The following RBFOX1 variants were observed in gnomAD, a reference collection of about 807,000 sequenced individuals.
RBFOX1 encodes RNA binding protein fox-1 homolog 1.
Under a neutral mutation model 57.7 loss-of-function variants are expected in RBFOX1, and 8 were observed. That is an observed-to-expected ratio of 0.14 (90% CI 0.08 to 0.25). RBFOX1 has a LOEUF of 0.25. RBFOX1 is among the 10% of genes least tolerant of loss of function. The probability of loss-of-function intolerance (pLI) is 1.00; values close to 1 mark genes in which losing one functional copy is unlikely to be tolerated. For synonymous variants in RBFOX1, 326 were observed against 222.4 expected (o/e 1.47, Z -4.15); for missense variants, 611 against 548.5 (o/e 1.11, Z -1.14).
intron 4 of RBFOX1, among the ~76,000 whole-genome samples, chr16:7,075,212 A>G (rs569756239): frequency 1.3e-5 from 2 of 152,260 alleles, no homozygotes; most frequent in East Asian, 1.9e-4. Context: ...TATATAGGGA[A>G]TCCACTTCTG....
intron 1 of RBFOX1, among the ~76,000 whole-genome samples, chr16:5,453,945 T>C (rs985530764): frequency 2.0e-5 from 3 of 151,900 alleles, no homozygotes; most frequent in Non-Finnish European, 4.4e-5. Flanking sequence ...TTCCCAAGTA[T>C]GAAAAAGATG....
intron 2 of RBFOX1, among the ~76,000 whole-genome samples, chr16:6,611,993 C>T (rs773573834): frequency 7.8e-5 from 10 of 128,034 alleles, no homozygotes; most frequent in African/African-American, 2.1e-4. Flanking sequence ...TCAGATCTCC[C>T]GAGTCCCCTT....
At chr16:5,802,671 G>C (rs868228569) in intron 3 of RBFOX1, among the ~76,000 whole-genome samples, 40 of 152,044 alleles carry the variant, frequency 2.6e-4, no homozygotes, top group African/African-American at 7.7e-4. Flanking sequence ...CCCTTTATAG[G>C]GAAGAACACG....
chr16:5,652,609 C>A (rs891257135), intron 3 of RBFOX1, among the ~76,000 whole-genome samples: 3 of 152,224 alleles, frequency 2.0e-5, no homozygotes, highest in Non-Finnish European at 2.9e-5. Flanking sequence ...GTCCTCCTCT[C>A]AGCCCCCACC....
intron 3 of RBFOX1, among the ~76,000 whole-genome samples, chr16:6,866,541 A>AATTTTTTTTTTTTTTTTTTT (rs761820657): frequency 2.5e-5 from 2 of 78,886 alleles, no homozygotes; most frequent in African/African-American, 1.1e-4. Context: ...CTTTCCTTCT[A>AATTTTTTTTTTTTTTTTTTT]TTTTTTTTTT....
At chr16:7,135,496 T>A (rs1161470760) in intron 4 of RBFOX1, among the ~76,000 whole-genome samples, 1 of 152,246 alleles carries the variant, frequency 6.6e-6, no homozygotes, top group African/African-American at 2.4e-5. Context: ...CTAAGGGGTG[T>A]GTTTTTGTAA....
chr16:7,130,641 A>G (rs1041966602), intron 4 of RBFOX1, among the ~76,000 whole-genome samples: 3 of 152,208 alleles, frequency 2.0e-5, no homozygotes, highest in East Asian at 3.9e-4. Flanking sequence ...TTTATAGCCA[A>G]TGACATCTCC....
At chr16:6,822,909 G>A (rs1471374088) in intron 3 of RBFOX1, among the ~76,000 whole-genome samples, 3 of 152,176 alleles carry the variant, frequency 2.0e-5, no homozygotes, top group Admixed American at 2.0e-4. Flanking sequence ...ATTAACAAGT[G>A]CGTGCTGCTG....
At chr16:5,333,215 C>T (rs1026132515) in intron 1 of RBFOX1, among the ~76,000 whole-genome samples, 1 of 151,880 alleles carries the variant, frequency 6.6e-6, no homozygotes, top group African/African-American at 2.4e-5. Context: ...CCAAACTACA[C>T]TAGAAAGATA....
At chr16:7,691,447 A>G (rs2077310443) in intron 14 of RBFOX1, among the ~76,000 whole-genome samples, 1 of 151,828 alleles carries the variant, frequency 6.6e-6, no homozygotes, top group African/African-American at 2.4e-5. Flanking sequence ...CGGAAAGGAA[A>G]GGAGAAAAGG....
intron 2 of RBFOX1, among the ~76,000 whole-genome samples, chr16:6,464,082 A>T (rs929752221): frequency 1.3e-5 from 2 of 152,188 alleles, no homozygotes; most frequent in African/African-American, 4.8e-5. Context: ...ATTTTATCCC[A>T]CTGGGATGAA....
chr16:7,393,860 T>G (rs1190354452), intron 4 of RBFOX1, among the ~76,000 whole-genome samples: 3 of 152,108 alleles, frequency 2.0e-5, no homozygotes, highest in African/African-American at 7.2e-5. Flanking sequence ...ATTCAGGTTG[T>G]CAGCAGTTAG....
chr16:6,785,773 A>T (rs942716486), intron 3 of RBFOX1, among the ~76,000 whole-genome samples: 3 of 152,216 alleles, frequency 2.0e-5, no homozygotes, highest in African/African-American at 7.2e-5. Context: ...CCAGATGAGG[A>T]TACCAAACAA....
At chr16:6,829,197 T>C (rs745773092) in intron 3 of RBFOX1, among the ~76,000 whole-genome samples, 5 of 151,294 alleles carry the variant, frequency 3.3e-5, no homozygotes, top group Non-Finnish European at 5.9e-5. Context: ...AGATGTGTCA[T>C]TTGACCCAAA....
At chr16:7,139,636 C>A (rs78479340) in intron 4 of RBFOX1, among the ~76,000 whole-genome samples, 6,526 of 152,066 alleles carry the variant, frequency 0.043, 469 homozygotes, top group African/African-American at 0.15. Flanking sequence ...CTGAGTCCAC[C>A]CTCGACAGTT....
chr16:6,936,352 C>G (rs999056400), intron 3 of RBFOX1, among the ~76,000 whole-genome samples: 10 of 152,158 alleles, frequency 6.6e-5, no homozygotes, highest in Admixed American at 1.3e-4. Flanking sequence ...TGAACCAACT[C>G]TCAATGAGCA....
chr16:5,674,124 A>T (rs1038441290), intron 3 of RBFOX1, among the ~76,000 whole-genome samples: 4 of 152,226 alleles, frequency 2.6e-5, no homozygotes, highest in African/African-American at 9.7e-5. Flanking sequence ...GACACAGCAG[A>T]TATAAGCCCT....
intron 2 of RBFOX1, among the ~76,000 whole-genome samples, chr16:6,356,421 G>C (rs1014704887): frequency 6.6e-6 from 1 of 152,186 alleles, no homozygotes; most frequent in African/African-American, 2.4e-5. Flanking sequence ...CTGGGCAACA[G>C]AGCGAGAACT....
intron 1 of RBFOX1, among the ~76,000 whole-genome samples, chr16:6,210,322 A>T (rs1410958691): frequency 8.6e-6 from 1 of 115,884 alleles, no homozygotes; most frequent in Non-Finnish European, 1.8e-5. Context: ...TGTCTGAAAA[A>T]AAAAAACAAA....
Sources: gnomAD v4.1 joint callset for allele counts (sites outside exome capture counted in the v4.1 genomes callset) on GRCh38, gnomAD v4.1.1 for gene constraint, MANE v1.5 for transcripts, NCBI Gene and HGNC (gene_info 2026-07-23, HGNC 2026-07-21) for gene names.